MCF2L2: variants seen among roughly 807,000 people sequenced by gnomAD.
The protein encoded by MCF2L2 is MCF.2 cell line derived transforming sequence-like 2, also known as probable guanine nucleotide exchange factor MCF2L2.
A neutral mutation model predicts 150.2 loss-of-function variants in MCF2L2; 102 were observed. That is an observed-to-expected ratio of 0.68 (90% CI 0.58 to 0.80). The LOEUF (loss-of-function observed/expected upper bound fraction) is 0.80. MCF2L2 is among the 30% of genes least tolerant of loss of function. The pLI, the probability that MCF2L2 is intolerant of heterozygous loss-of-function variation, is 0.00. For missense variants in MCF2L2, 1,256 were observed against 1,372.8 expected, an observed-to-expected ratio of 0.91 and a Z score of 1.34; for synonymous variants, 465 against 491.3, an observed-to-expected ratio of 0.95 and a Z score of 0.71.
chr3:183,428,518 G>A lies in MCF2L2; in HGVS notation c.-541C>T, dbSNP rs1716286720. ...GCTCCCAAGCGCCGCTCGTTTTGGG[G>A]TCGGGAACGCTGCGCACCTTTCCCT... On this transcript the variant is annotated 5_prime_UTR_variant, in exon 1 of 30. Transcript: ENST00000328913. The surrounding 1 kb of genome is among the most constrained non-coding windows in gnomAD (Gnocchi z 5.1). 1 of 153,040 alleles carries A rather than the reference G, an allele frequency of 6.5e-6. No individual in the cohort carries two copies. The highest frequency in any genetic ancestry group is 1.5e-5 in the Non-Finnish European group (1 of 68,728). 9.5% of individuals were successfully genotyped at this position (153,040 alleles called of 1,614,324 possible). A position where few individuals can be genotyped will look rare whatever the true frequency, so the allele number is the denominator to read the frequency against.
chr3:183,360,983 GAAA>G (rs370678970), intron 3 of MCF2L2, among the ~76,000 whole-genome samples: 13 of 114,542 alleles, frequency 1.1e-4, no homozygotes, highest in African/African-American at 5.4e-4. Context: ...GAAAAGAAAA[GAAA>G]AGAAAAGAAA....
intron 6 of MCF2L2, among the ~76,000 whole-genome samples, chr3:183,321,694 A>G (rs1326348848): frequency 6.6e-6 from 1 of 152,224 alleles, no homozygotes; most frequent in Non-Finnish European, 1.5e-5. Context: ...TGTATAAAAA[A>G]TATATACATG....
intron 3 of MCF2L2, chr3:183,372,694 AAAAGAAAGAAAG>A: frequency 6.6e-6 from 1 of 152,150 alleles, no homozygotes; most frequent in East Asian, 1.9e-4. Context: ...TCGGTCTCAA[AAAAGAAAGAAAG>A]AAAGAAAGAA....
chr3:183,333,419 A>C (rs1490969168), intron 5 of MCF2L2, among the ~76,000 whole-genome samples: 2 of 152,118 alleles, frequency 1.3e-5, no homozygotes, highest in Non-Finnish European at 2.9e-5. Context: ...GATAGTAATA[A>C]ATTTGAACAG....
intron 3 of MCF2L2, among the ~76,000 whole-genome samples, chr3:183,361,456 G>A (rs866727412): frequency 6.6e-6 from 1 of 152,170 alleles, no homozygotes; most frequent in Non-Finnish European, 1.5e-5. Flanking sequence ...CTGTTCTCAT[G>A]ACAGTTAGTG....
rs1721393044 is a variant in MCF2L2, at chr3:183,178,533, A to T, written c.*847T>A. On this transcript the variant is annotated 3_prime_UTR_variant, in exon 30 of 30. Transcript: ENST00000328913. ...ATTAATTTGAACATCTGTAACTCCT[A>T]AAACAAAACAACTACATATAAATAA... 1 of 151,852 alleles carries T rather than the reference A, an allele frequency of 6.6e-6. No homozygotes were observed. The highest frequency in any genetic ancestry group is 2.4e-5 in the African/African-American group (1 of 41,144). The allele number at this position is 151,852 out of a possible 1,614,324, so 9.4% of individuals were successfully genotyped here.
chr3:183,229,700 C>T lies in MCF2L2; in HGVS notation c.2011G>A (p.Gly671Arg). The T allele has an allele frequency of 6.3e-7, 1 of 1,592,232 alleles. No individual in the cohort carries two copies. ...AATTCGTAAAGTTCTCTAATATTCC[C>T]AAAGAGAAAGTCCTTGTTATTCTGA... ...VLQNNKDFLF[G>R]NIRELYEFHN... Residue 671 changes from glycine (G) to arginine (R), a missense_variant, in exon 17 of 30, where the codon GGG (glycine) becomes AGG (arginine). By Grantham distance (125) the Gly-to-Arg change is moderately radical. Transcript: ENST00000328913.
At chr3:183,190,704 A>G (rs777795209) in intron 27 of MCF2L2, among the ~76,000 whole-genome samples, 18 of 152,186 alleles carry the variant, frequency 1.2e-4, no homozygotes, top group Non-Finnish European at 2.4e-4. Context: ...TCCTGGCTGG[A>G]CGACCCTGGG....
intron 14 of MCF2L2, among the ~76,000 whole-genome samples, chr3:183,288,123 A>T (rs1727899351): frequency 6.6e-6 from 1 of 152,228 alleles, no homozygotes; most frequent in East Asian, 1.9e-4. Context: ...TACAGTGCTT[A>T]GCAATTTTCA....
At chr3:183,215,936 T>C (rs745681143) in intron 22 of MCF2L2, 33 bp downstream of exon 22, 2 of 1,602,148 alleles carry the variant, frequency 1.2e-6, no homozygotes, top group East Asian at 4.5e-5. Context: ...CTGCCTTTTG[T>C]GTGAGATGCT....
intron 1 of MCF2L2, among the ~76,000 whole-genome samples, chr3:183,391,890 G>T (rs755385344): frequency 2.0e-5 from 3 of 150,778 alleles, no homozygotes; most frequent in East Asian, 1.9e-4. Context: ...GCATTTTTTT[G>T]ATTTCTCTTT....
At chr3:183,351,957 G>A (rs373172275) in intron 3 of MCF2L2, among the ~76,000 whole-genome samples, 3 of 152,204 alleles carry the variant, frequency 2.0e-5, no homozygotes, top group Admixed American at 6.5e-5. Flanking sequence ...ACTTCAAGTC[G>A]CTAGGGACCA....
chr3:183,373,967 C>T (rs981669607), intron 3 of MCF2L2: 3 of 152,602 alleles, frequency 2.0e-5, no homozygotes, highest in Non-Finnish European at 4.4e-5. Context: ...TCCTTCCCGA[C>T]CTCCACCAGT....
chr3:183,327,502 G>A (rs781184923), intron 5 of MCF2L2, among the ~76,000 whole-genome samples: 1 of 152,124 alleles, frequency 6.6e-6, no homozygotes, highest in Non-Finnish European at 1.5e-5. Flanking sequence ...TCCAACTTCC[G>A]ACTGGCATCG....
chr3:183,293,623 A>G (rs973068688), intron 13 of MCF2L2, among the ~76,000 whole-genome samples: 2 of 152,232 alleles, frequency 1.3e-5, no homozygotes, highest in Admixed American at 6.5e-5. Flanking sequence ...CTTACATCAT[A>G]CTTAAAGATG....
intron 3 of MCF2L2, among the ~76,000 whole-genome samples, chr3:183,342,831 G>A (rs1412458748): frequency 2.0e-5 from 3 of 152,018 alleles, no homozygotes; most frequent in Non-Finnish European, 4.4e-5. Flanking sequence ...TAAGTAGTTG[G>A]CCTATAGTAA....
intron 3 of MCF2L2, among the ~76,000 whole-genome samples, chr3:183,357,578 CG>C (rs992417724): frequency 8.5e-5 from 13 of 152,134 alleles, no homozygotes; most frequent in African/African-American, 2.7e-4. Context: ...GCAGTTAAAA[CG>C]CAAGCATACG....
intron 9 of MCF2L2, chr3:183,310,516 C>T (rs567668797): frequency 1.8e-4 from 47 of 262,588 alleles, no homozygotes; most frequent in Non-Finnish European, 2.3e-4. Context: ...AAAAAATTAC[C>T]GGGTGTGATG....
chr3:183,332,261 C>T (rs1730303684), intron 5 of MCF2L2, among the ~76,000 whole-genome samples: 1 of 152,138 alleles, frequency 6.6e-6, no homozygotes, highest in Non-Finnish European at 1.5e-5. Context: ...TGACCTTGTG[C>T]GTCAGGTGAA....
Sources: allele counts gnomAD v4.1 joint callset (sites outside exome capture counted in the v4.1 genomes callset), GRCh38; gene constraint gnomAD v4.1.1; non-coding constraint Gnocchi (gnomAD v3.1); transcripts MANE v1.5; gene names NCBI Gene and HGNC (gene_info 2026-07-23, HGNC 2026-07-21).